The following PDE11A variants were observed in gnomAD, a reference collection of about 807,000 sequenced individuals.
PDE11A encodes dual 3',5'-cyclic-AMP and -GMP phosphodiesterase 11A.
Under a neutral mutation model 100.5 loss-of-function variants are expected in PDE11A, and 100 were observed. The observed-to-expected ratio is 1.00, with a 90% CI of 0.85 to 1.18. The LOEUF is 1.18. PDE11A is among the 50% of genes most tolerant of loss of function. The pLI is 0.00. For synonymous variants in PDE11A, 381 were observed against 420.8 expected (o/e 0.91, Z 1.16); for missense variants, 1,141 against 1,152.6 (o/e 0.99, Z 0.15).
intron 12 of PDE11A, among the ~76,000 whole-genome samples, chr2:177,721,811 C>T (rs1290420433): frequency 6.6e-6 from 1 of 152,078 alleles, no homozygotes; most frequent in African/African-American, 2.4e-5. Context: ...GCCACAGAGC[C>T]CAGGTTGGTG....
rs564433624 is a variant in PDE11A, at chr2:177,928,770, G to A, written c.1072-23583C>T. ...CCCAGCTACTTGGAAGCCTGAGGTG[G>A]GAGGATCGCTTGGGTGTGGGAGGTC... On this transcript the variant is annotated intron_variant, in intron 2 of 19. Transcript: ENST00000286063. Among the ~76,000 whole-genome samples the A allele has an allele frequency of 2.6e-5, 4 of 152,170 alleles. No individual in the cohort carries two copies. In the East Asian group the frequency reaches 7.7e-4, roughly 29 times the overall value.
intron 5 of PDE11A, among the ~76,000 whole-genome samples, chr2:177,868,362 G>A (rs1200458019): frequency 1.3e-5 from 2 of 152,090 alleles, no homozygotes; most frequent in African/African-American, 2.4e-5. Flanking sequence ...AAAACAAAGC[G>A]GCTCTAGGGT....
At chr2:178,031,295 A>G (rs537040927) in intron 1 of PDE11A, among the ~76,000 whole-genome samples, 2 of 152,340 alleles carry the variant, frequency 1.3e-5, no homozygotes, top group Non-Finnish European at 2.9e-5. Flanking sequence ...GACCTGTTAT[A>G]ATCAGTCTTG....
intron 19 of PDE11A, among the ~76,000 whole-genome samples, chr2:177,647,502 G>A (rs992900738): frequency 6.6e-5 from 10 of 152,182 alleles, no homozygotes; most frequent in African/African-American, 2.4e-4. Flanking sequence ...GGTGCCAAAA[G>A]AGTCCCAAAA....
At chr2:177,783,348 T>A (rs578010950) in intron 9 of PDE11A, among the ~76,000 whole-genome samples, 1 of 152,232 alleles carries the variant, frequency 6.6e-6, no homozygotes. Flanking sequence ...AGTTCTCATA[T>A]GTGTCTTAAG....
At chr2:177,981,229 A>G (rs2085877745) in intron 2 of PDE11A, among the ~76,000 whole-genome samples, 1 of 150,682 alleles carries the variant, frequency 6.6e-6, no homozygotes. Flanking sequence ...CATGGCAGAA[A>G]GTACTAGCTC....
At chr2:178,011,852 G>C (rs1268989287) in intron 2 of PDE11A, 1 of 152,172 alleles carries the variant, frequency 6.6e-6, no homozygotes, top group African/African-American at 2.4e-5. Flanking sequence ...TAAGTAACTT[G>C]CCCAAGGTTA....
At chr2:177,759,257 G>T (rs1282516910) in intron 10 of PDE11A, among the ~76,000 whole-genome samples, 1 of 151,712 alleles carries the variant, frequency 6.6e-6, no homozygotes, top group Non-Finnish European at 1.5e-5. Flanking sequence ...TAAAATTTCT[G>T]AAAAATCTTT....
At chr2:177,640,327 A>T (rs895917383) in intron 19 of PDE11A, among the ~76,000 whole-genome samples, 7 of 152,240 alleles carry the variant, frequency 4.6e-5, no homozygotes, top group African/African-American at 1.7e-4. Flanking sequence ...AATATCAAAA[A>T]AATCATTGGA....
At chr2:177,945,503 C>A (rs145479611) in intron 2 of PDE11A, among the ~76,000 whole-genome samples, 3 of 146,188 alleles carry the variant, frequency 2.1e-5, no homozygotes, top group Non-Finnish European at 4.6e-5. Flanking sequence ...GGCCTCTGCC[C>A]GGCCGAGACC....
At chr2:177,708,227 A>G (rs113925506) in intron 13 of PDE11A, among the ~76,000 whole-genome samples, 1,082 of 61,918 alleles carry the variant, frequency 0.017, 16 homozygotes, top group African/African-American at 0.056. Flanking sequence ...CTAAATGCCC[A>G]TCAATGACAT....
chr2:177,985,816 A>G (rs2085932648), intron 2 of PDE11A, among the ~76,000 whole-genome samples: 1 of 152,242 alleles, frequency 6.6e-6, no homozygotes, highest in Non-Finnish European at 1.5e-5. Flanking sequence ...ATAAATTGCT[A>G]TGTGAAGAGC....
At chr2:177,924,090 C>T (rs1367749248) in intron 2 of PDE11A, among the ~76,000 whole-genome samples, 1 of 152,168 alleles carries the variant, frequency 6.6e-6, no homozygotes, top group Non-Finnish European at 1.5e-5. Flanking sequence ...TCGGACACAG[C>T]TTGTGTTGGC....
chr2:177,858,921 A>G (rs547407986), intron 5 of PDE11A, among the ~76,000 whole-genome samples: 1 of 152,280 alleles, frequency 6.6e-6, no homozygotes, highest in South Asian at 2.1e-4. Flanking sequence ...CAGCCATAAA[A>G]AAGGATGAGT....
chr2:177,777,055 C>G (rs1294230360), intron 9 of PDE11A, among the ~76,000 whole-genome samples: 2 of 152,118 alleles, frequency 1.3e-5, no homozygotes, highest in Non-Finnish European at 2.9e-5. Flanking sequence ...TTCCCTTCTG[C>G]TGATTGTAAG....
Position 178,014,437 on chromosome 2 carries a change from G to A in PDE11A, c.936C>T (p.Ile312=), listed in dbSNP as rs144284382. The A allele has an allele frequency of 2.0e-5, 32 of 1,612,886 alleles. No homozygotes were observed. The highest frequency in any genetic ancestry group is 2.3e-5 in the Non-Finnish European group (27 of 1,179,180). The change falls in exon 2 of 20, where the codon ATC becomes ATT. Residue 312 remains isoleucine (I), a synonymous_variant. Transcript: ENST00000286063. ...AYQDRRFNDE[I]DKLTGYKTKS... ...TTGTCTTGTATCCAGTTAGCTTGTC[G>A]ATTTCATCATTGAATCGTCGATCCT...
At chr2:177,983,343 CTG>C (rs1450207217) in intron 2 of PDE11A, among the ~76,000 whole-genome samples, 3 of 152,106 alleles carry the variant, frequency 2.0e-5, no homozygotes, top group Non-Finnish European at 2.9e-5. Flanking sequence ...TGAGGACCTG[CTG>C]TGTTTGTTAA....
intron 1 of PDE11A, among the ~76,000 whole-genome samples, chr2:178,041,119 T>C (rs2086677802): frequency 6.6e-6 from 1 of 152,032 alleles, no homozygotes; most frequent in Non-Finnish European, 1.5e-5. Context: ...TTTTGAGTTT[T>C]AGTAGATACG....
intron 16 of PDE11A, 190 bp from the exon 17 acceptor site, chr2:177,675,708 T>G: frequency 1.4e-6 from 1 of 696,786 alleles, no homozygotes. Context: ...CCACGCTGCT[T>G]AGGAAGACAA....
Sources: gnomAD v4.1 joint callset for allele counts (sites outside exome capture counted in the v4.1 genomes callset) on GRCh38, gnomAD v4.1.1 for gene constraint, MANE v1.5 for transcripts, NCBI Gene and HGNC (gene_info 2026-07-23, HGNC 2026-07-21) for gene names.